Variants in GTF3C1 observed in about 807,000 individuals in gnomAD.
The protein encoded by GTF3C1 is general transcription factor 3C polypeptide 1.
GTF3C1 carries 57 observed loss-of-function variants against 226.7 expected under a neutral mutation model. That is an observed-to-expected ratio of 0.25 (90% CI 0.20 to 0.31). The LOEUF (loss-of-function observed/expected upper bound fraction) is 0.31, where lower values mean the gene tolerates loss of function less well. Ranked by LOEUF, GTF3C1 falls within the 10% of genes least tolerant of loss-of-function variation. The probability of loss-of-function intolerance (pLI) is 1.00; values close to 1 mark genes in which losing one functional copy is unlikely to be tolerated. For missense variants in GTF3C1, 2,217 were observed against 2,776.1 expected (o/e 0.80, Z 4.53); for synonymous variants, 1,090 against 1,084.8 (o/e 1.00, Z -0.09).
chr16:27,522,525 G>A (rs2088764950), intron 6 of GTF3C1, among the ~76,000 whole-genome samples: 1 of 152,230 alleles, frequency 6.6e-6, no homozygotes, highest in Non-Finnish European at 1.5e-5. Flanking sequence ...AGTTTAAAAA[G>A]CAGGAAGTGT....
chr16:27,494,987 G>A, intron 15 of GTF3C1, 79 bp from the exon 16 acceptor site: 2 of 1,293,472 alleles, frequency 1.5e-6, no homozygotes, highest in East Asian at 2.4e-5. Context: ...TCATCTCCCA[G>A]GAGGTCTTGG....
At chr16:27,548,990 C>T (rs1267981200) in intron 1 of GTF3C1, among the ~76,000 whole-genome samples, 2 of 152,238 alleles carry the variant, frequency 1.3e-5, no homozygotes, top group East Asian at 3.9e-4. Context: ...CCCATACCTA[C>T]TAAAAATGCA....
Position 27,464,484 on chromosome 16 carries a change from T to C in GTF3C1, c.5708A>G (p.Asp1903Gly). ...AGATGGGGCCTGGGCTTCTGCCCCA[T>C]CTTCAGCTCCGGGCCCAAGGCTGGG... is the stretch of plus-strand genomic sequence containing the variant. Reference protein sequence around the residue: ...LAPSLGPGAEDGAEAQAPSPP... With the variant: ...LAPSLGPGAEGGAEAQAPSPP... The change falls in exon 34 of 37, where the codon GAT (aspartate) becomes GGT (glycine). Residue 1903 changes from aspartate (D) to glycine (G), a missense_variant. Asp to Gly is a moderately conservative substitution (Grantham distance 94). Coordinates refer to ENST00000356183, the MANE Select transcript of GTF3C1 (RefSeq NM_001520.4). The C allele has an allele frequency of 1.3e-6, 2 of 1,551,630 alleles. No homozygotes were observed. The highest frequency in any genetic ancestry group is 1.4e-5 in the African/African-American group (1 of 72,012).
At chr16:27,521,187 C>T (rs2088742480) in intron 6 of GTF3C1, among the ~76,000 whole-genome samples, 1 of 152,252 alleles carries the variant, frequency 6.6e-6, no homozygotes, top group African/African-American at 2.4e-5. Context: ...CCATGGATAC[C>T]TCCGCTGCCA....
At chr16:27,465,191 G>A in intron 33 of GTF3C1, 69 bp downstream of exon 33, 1 of 1,416,308 alleles carries the variant, frequency 7.1e-7, no homozygotes, top group Admixed American at 1.7e-5. Flanking sequence ...CCCATCCTCA[G>A]TGTGCACCTG....
intron 17 of GTF3C1, 70 bp downstream of exon 17, chr16:27,493,129 T>C (rs1477664988): frequency 1.2e-6 from 1 of 806,156 alleles, no homozygotes; most frequent in South Asian, 1.4e-5. Context: ...TGGTGAATGA[T>C]GGCTTAGAGC....
intron 2 of GTF3C1, among the ~76,000 whole-genome samples, chr16:27,542,449 T>C (rs1021565072): frequency 6.6e-5 from 10 of 152,010 alleles, no homozygotes. Flanking sequence ...TAAACCCAGC[T>C]ACTTGGGAGG....
In GTF3C1 at chr16:27,505,913, T is replaced by G. The variant is rs1457333731; in HGVS notation, c.1756A>C (p.Met586Leu). The part of the protein sequence containing the change: ...GDIAVIEEVR[M>L]ENPKESSSSL... ...CATGCACTGACCTTTGGGTTTTCCA[T>G]CCGGACCTCCTCGATCACAGCTATG... is the stretch of plus-strand genomic sequence containing the variant. The change falls in exon 10 of 37, where the codon ATG (methionine) becomes CTG (leucine). Residue 586 changes from methionine to leucine, a missense_variant. Transcript: ENST00000356183. 1.9e-6 allele frequency: 3 copies of G among 1,604,556 alleles called. No homozygotes were observed. Among genetic ancestry groups the G allele is most frequent in the Non-Finnish European group, 2.6e-6 (3 of 1,171,250 alleles).
intron 5 of GTF3C1, 51 bp from the exon 6 acceptor site, chr16:27,528,772 A>C (rs746101977): frequency 6.5e-7 from 1 of 1,544,824 alleles, no homozygotes. Context: ...AGATGTCTGA[A>C]ATGACTAGAA....
At chr16:27,523,819 C>T (rs538936892) in intron 6 of GTF3C1, among the ~76,000 whole-genome samples, 1 of 152,236 alleles carries the variant, frequency 6.6e-6, no homozygotes, top group Admixed American at 6.5e-5. Flanking sequence ...GGTTTCCAGC[C>T]GCAGCAGCAG....
At chr16:27,505,481 T>G (rs1215958435) in intron 10 of GTF3C1, among the ~76,000 whole-genome samples, 1 of 152,220 alleles carries the variant, frequency 6.6e-6, no homozygotes, top group African/African-American at 2.4e-5. Flanking sequence ...AGTGTGGCAC[T>G]GAGAACTGTC....
chr16:27,467,898 C>T (rs946544276), intron 32 of GTF3C1, among the ~76,000 whole-genome samples: 8 of 151,994 alleles, frequency 5.3e-5, no homozygotes, highest in Non-Finnish European at 7.4e-5. Context: ...AAATACATTT[C>T]GTAAAGCTAT....
At chr16:27,466,547 C>G (rs1441797629) in intron 32 of GTF3C1, among the ~76,000 whole-genome samples, 1 of 152,198 alleles carries the variant, frequency 6.6e-6, no homozygotes, top group African/African-American at 2.4e-5. Flanking sequence ...AATAACCTTA[C>G]AGTGACCCCT....
chr16:27,544,590 G>C (rs2089136543), intron 2 of GTF3C1, among the ~76,000 whole-genome samples: 1 of 152,000 alleles, frequency 6.6e-6, no homozygotes, highest in African/African-American at 2.4e-5. Context: ...AGTCAAGAAA[G>C]AAGGTGGAAG....
chr16:27,545,612 G>A, intron 1 of GTF3C1, 89 bp from the exon 2 acceptor site: 1 of 746,698 alleles, frequency 1.3e-6, no homozygotes, highest in South Asian at 1.5e-5. Context: ...CTCCAGCAGA[G>A]ATCAGAGAGA....
chr16:27,478,500 C>G lies in GTF3C1; in HGVS notation c.4228G>C (p.Asp1410His). 1 of 1,612,328 alleles carries G rather than the reference C, an allele frequency of 6.2e-7. No homozygotes were observed. The highest frequency in any genetic ancestry group is 8.5e-7 in the Non-Finnish European group (1 of 1,178,366). ...AGTTCATCCTCTTTCCTGGTTTGAT[C>G]TTTTTCATCCCCAATTGCCAAAACT... ...YRVLAIGDEKDQTRKEDELNS... is the reference protein window; with the variant it reads ...YRVLAIGDEKHQTRKEDELNS... Residue 1410 changes from aspartate to histidine, a missense_variant, in exon 28 of 37, where the codon GAT becomes CAT. By Grantham distance (81) the Asp-to-His change is moderately conservative. Around this residue, in one of 12 missense-constraint regions of GTF3C1, gnomAD observed 546 missense variants for 663.0 expected, o/e 0.82. Coordinates refer to ENST00000356183, the MANE Select transcript of GTF3C1 (RefSeq NM_001520.4).
At chr16:27,525,185 T>G (rs184016129) in intron 6 of GTF3C1, among the ~76,000 whole-genome samples, 4,885 of 150,592 alleles carry the variant, frequency 0.032, 142 homozygotes, top group African/African-American at 0.069. Flanking sequence ...AAGAAAGAAA[T>G]AAAAGAAAAG....
intron 7 of GTF3C1, among the ~76,000 whole-genome samples, chr16:27,510,800 G>C (rs912523163): frequency 6.6e-6 from 1 of 152,212 alleles, no homozygotes; most frequent in Non-Finnish European, 1.5e-5. Context: ...GGACCTGGGG[G>C]AAGGGTTAGG....
At chr16:27,539,198 A>G (rs1041347628) in intron 2 of GTF3C1, among the ~76,000 whole-genome samples, 13 of 152,244 alleles carry the variant, frequency 8.5e-5, no homozygotes, top group African/African-American at 3.1e-4. Flanking sequence ...AACAATCTTC[A>G]GAGTCAAAAG....
Sources: allele counts gnomAD v4.1 joint callset (sites outside exome capture counted in the v4.1 genomes callset), GRCh38; gene constraint gnomAD v4.1.1; regional missense constraint gnomAD v4.1.1; transcripts MANE v1.5; gene names NCBI Gene and HGNC (gene_info 2026-07-23, HGNC 2026-07-21).